SLC10A7: variants seen among roughly 807,000 people sequenced by gnomAD.
SLC10A7 encodes solute carrier family 10 member 7.
SLC10A7 carries 29 observed loss-of-function variants against 43.2 expected under a neutral mutation model. That is an observed-to-expected ratio of 0.67 (90% CI 0.50 to 0.92). The LOEUF is 0.92. Ranked by LOEUF, SLC10A7 falls within the 40% of genes least tolerant of loss-of-function variation. The pLI is 0.00. For missense variants in SLC10A7, 295 were observed against 403.2 expected (o/e 0.73, Z 2.30); for synonymous variants, 152 against 144.8 (o/e 1.05, Z -0.35).
At chr4:146,337,633 T>C (rs1302285692) in intron 5 of SLC10A7, among the ~76,000 whole-genome samples, 1 of 152,006 alleles carries the variant, frequency 6.6e-6, no homozygotes, top group Non-Finnish European at 1.5e-5. Context: ...GCTAAGTACA[T>C]TACAAACATT....
intron 10 of SLC10A7, among the ~76,000 whole-genome samples, chr4:146,262,614 A>G (rs1349462888): frequency 6.6e-6 from 1 of 152,218 alleles, no homozygotes; most frequent in East Asian, 1.9e-4. Context: ...GATTTATTCA[A>G]TTAGAACTCA....
chr4:146,330,261 T>C (rs1238544985), intron 5 of SLC10A7, among the ~76,000 whole-genome samples: 10 of 152,186 alleles, frequency 6.6e-5, no homozygotes. Context: ...ACTGTGAATG[T>C]GCTTCTCTCA....
intron 7 of SLC10A7, 128 bp from the exon 8 acceptor site, chr4:146,294,223 G>T: frequency 1.5e-6 from 1 of 650,066 alleles, no homozygotes; most frequent in Non-Finnish European, 2.4e-6. Flanking sequence ...GGCCACAGTG[G>T]ATTTCAAAGC....
intron 3 of SLC10A7, among the ~76,000 whole-genome samples, chr4:146,508,435 T>C (rs1162659225): frequency 6.6e-6 from 1 of 152,256 alleles, no homozygotes; most frequent in South Asian, 2.1e-4. Context: ...CATATTTATG[T>C]GGCATTTTAC....
At position 146,323,881 on chromosome 4, in the gene SLC10A7, T is replaced by C. The variant is rs112117558; in HGVS notation, c.471+2080A>G. Among the ~76,000 whole-genome samples, 949 of 152,248 alleles carry C rather than the reference T, an allele frequency of 6.2e-3. 5 individuals carry two copies. The highest frequency in any genetic ancestry group is 0.021 in the African/African-American group (885 of 41,544). On this transcript the variant is annotated intron_variant, in intron 6 of 11. Transcript: ENST00000335472. ...TCAATTAGGAAAAGAGGAAGTCAAA[T>C]TGTCCCTGTTTGCAGATGACATGAT...
At chr4:146,280,442 G>C (rs2111103308) in intron 10 of SLC10A7, among the ~76,000 whole-genome samples, 1 of 152,154 alleles carries the variant, frequency 6.6e-6, no homozygotes, top group South Asian at 2.1e-4. Flanking sequence ...TGTGTGTATG[G>C]GATCAAGCAG....
intron 5 of SLC10A7, among the ~76,000 whole-genome samples, chr4:146,420,311 A>G (rs925833068): frequency 6.6e-6 from 1 of 152,218 alleles, no homozygotes; most frequent in Non-Finnish European, 1.5e-5. Flanking sequence ...CTTCGCAACA[A>G]TTAATCTTAA....
At chr4:146,350,389 G>A (rs1443297305) in intron 5 of SLC10A7, among the ~76,000 whole-genome samples, 1 of 90,788 alleles carries the variant, frequency 1.1e-5, no homozygotes, top group African/African-American at 4.2e-5. Context: ...CTACGCCCAC[G>A]GAATCTCGCT....
intron 10 of SLC10A7, among the ~76,000 whole-genome samples, chr4:146,270,247 G>A (rs1456285962): frequency 6.6e-6 from 1 of 152,128 alleles, no homozygotes; most frequent in Non-Finnish European, 1.5e-5. Context: ...CTAGGCAGAA[G>A]AAATTTAAAA....
intron 7 of SLC10A7, among the ~76,000 whole-genome samples, chr4:146,303,916 A>C (rs1270207737): frequency 2.6e-5 from 4 of 151,914 alleles, no homozygotes; most frequent in Admixed American, 6.6e-5. Context: ...AGGGAGATTA[A>C]ATAACTTGCC....
rs556956925 is a variant in SLC10A7, at chr4:146,262,689, T to G, written c.848-3852A>C. Among the ~76,000 whole-genome samples, 5 of 152,316 alleles carry G rather than the reference T, an allele frequency of 3.3e-5. No individual in the cohort carries two copies. The East Asian group carries it at 9.6e-4, about 29-fold the overall frequency. On this transcript the variant is annotated intron_variant, in intron 10 of 11. Transcript: ENST00000335472. Reference sequence around the variant, plus strand: ...TGGGAAGCGTGATTTGACCTAACCCTGCATTTCCATAACTTACTGGGCACA... The same window carrying G: ...TGGGAAGCGTGATTTGACCTAACCCGGCATTTCCATAACTTACTGGGCACA...
intron 5 of SLC10A7, among the ~76,000 whole-genome samples, chr4:146,349,391 C>A (rs1386346124): frequency 1.3e-5 from 2 of 152,136 alleles, no homozygotes; most frequent in African/African-American, 4.8e-5. Flanking sequence ...GAAAAGGGAA[C>A]ACTGGTACAC....
chr4:146,362,147 G>T (rs1736089522), intron 5 of SLC10A7, among the ~76,000 whole-genome samples: 1 of 152,120 alleles, frequency 6.6e-6, no homozygotes, highest in South Asian at 2.1e-4. Flanking sequence ...GCCTTAAGAG[G>T]CTGTAGAGAA....
chr4:146,430,857 T>A (rs1407661550), intron 5 of SLC10A7, among the ~76,000 whole-genome samples: 1 of 152,132 alleles, frequency 6.6e-6, no homozygotes, highest in Non-Finnish European at 1.5e-5. Flanking sequence ...TAGTAGAATT[T>A]TTTTCCCCTG....
intron 5 of SLC10A7, among the ~76,000 whole-genome samples, chr4:146,418,843 C>T (rs1326885357): frequency 6.6e-6 from 1 of 152,210 alleles, no homozygotes; most frequent in Non-Finnish European, 1.5e-5. Flanking sequence ...CAACTTCAAG[C>T]TCCAGGTTGT....
At chr4:146,319,560 AG>A (rs1413409272) in intron 6 of SLC10A7, among the ~76,000 whole-genome samples, 1 of 152,098 alleles carries the variant, frequency 6.6e-6, no homozygotes, top group African/African-American at 2.4e-5. Context: ...TGCTGTTTTG[AG>A]AGCAAAGACA....
At chr4:146,488,210 T>C (rs1735083318) in intron 4 of SLC10A7, among the ~76,000 whole-genome samples, 1 of 151,814 alleles carries the variant, frequency 6.6e-6, no homozygotes, top group Non-Finnish European at 1.5e-5. Flanking sequence ...AAAAAGAAAA[T>C]ATAGGTAAAA....
intron 4 of SLC10A7, among the ~76,000 whole-genome samples, chr4:146,460,802 C>A (rs1732464198): frequency 6.6e-6 from 1 of 151,748 alleles, no homozygotes; most frequent in Non-Finnish European, 1.5e-5. Flanking sequence ...ATTTTACTGT[C>A]TATAAATTAT....
chr4:146,414,965 A>C (rs1168453576), intron 5 of SLC10A7, among the ~76,000 whole-genome samples: 5 of 152,140 alleles, frequency 3.3e-5, no homozygotes, highest in African/African-American at 1.2e-4. Context: ...CAACAGAAAA[A>C]AATTAAGCAA....
Sources: gnomAD v4.1 joint callset for allele counts (sites outside exome capture counted in the v4.1 genomes callset) on GRCh38, gnomAD v4.1.1 for gene constraint, MANE v1.5 for transcripts, NCBI Gene and HGNC (gene_info 2026-07-23, HGNC 2026-07-21) for gene names.